Variants in DOK6 observed in about 807,000 individuals in gnomAD.
DOK6 encodes the protein docking protein 6, also known as downstream of tyrosine kinase 6.
A neutral mutation model predicts 44.0 loss-of-function variants in DOK6; 22 were observed. That is an observed-to-expected ratio of 0.50 (90% CI 0.36 to 0.71). DOK6 has a LOEUF of 0.71. Among genes scored for constraint, DOK6 ranks in the 30% least tolerant of loss-of-function variants. The pLI is 0.00. For synonymous variants in DOK6, 166 were observed against 145.5 expected, an observed-to-expected ratio of 1.14 and a Z score of -1.01; for missense variants, 340 against 416.4, an observed-to-expected ratio of 0.82 and a Z score of 1.60.
intron 5 of DOK6, among the ~76,000 whole-genome samples, chr18:69,703,106 T>C (rs7240723): frequency 0.67 from 101,210 of 151,720 alleles, 34,183 homozygotes; most frequent in East Asian, 0.89. Context: ...CCAGATTAGA[T>C]ACACAGAAGG....
intron 7 of DOK6, among the ~76,000 whole-genome samples, chr18:69,810,200 T>C (rs1457930186): frequency 6.6e-6 from 1 of 151,966 alleles, no homozygotes; most frequent in East Asian, 1.9e-4. Context: ...CAATTGATTT[T>C]TGACAAAAGT....
intron 7 of DOK6, among the ~76,000 whole-genome samples, chr18:69,802,407 T>A (rs1980929540): frequency 6.6e-6 from 1 of 152,162 alleles, no homozygotes; most frequent in African/African-American, 2.4e-5. Context: ...CATCAGTACT[T>A]GTTACAGAAA....
At chr18:69,824,456 GCGCTCAAGCAA>G (rs1981682798) in intron 7 of DOK6, among the ~76,000 whole-genome samples, 1 of 83,306 alleles carries the variant, frequency 1.2e-5, no homozygotes, top group Non-Finnish European at 2.8e-5. Flanking sequence ...CAATCCTCCT[GCGCTCAAGCAA>G]TCCTCCTGCC....
At position 69,564,520 on chromosome 18, in the gene DOK6, G is replaced by T; in HGVS notation, c.100G>T (p.Ala34Ser). 4 of 1,613,924 alleles carry T rather than the reference G, an allele frequency of 2.5e-6. No homozygotes were observed. Among genetic ancestry groups the T allele is most frequent in the Non-Finnish European group, 3.4e-6 (4 of 1,179,906 alleles). Reference protein sequence around the residue: ...FRRCWLVFKKASSKGPRRLEK... With the variant: ...FRRCWLVFKKSSSKGPRRLEK... The stretch of plus-strand genomic sequence containing the variant: ...ACGATGCTGGTTGGTTTTCAAGAAG[G>T]CTTCTAGCAAAGGACCCAGAAGGTT... Residue 34 changes from alanine (A) to serine (S), a missense_variant, in exon 2 of 8, where the codon GCT becomes TCT. Ala to Ser is a moderately conservative substitution (Grantham distance 99). Transcript: ENST00000382713.
chr18:69,589,671 A>G (rs529883362), intron 2 of DOK6, among the ~76,000 whole-genome samples: 8 of 152,272 alleles, frequency 5.3e-5, no homozygotes, highest in Non-Finnish European at 8.8e-5. Context: ...GTAGTGAGTA[A>G]GATCTGCATT....
At chr18:69,772,189 A>G (rs1231806311) in intron 7 of DOK6, among the ~76,000 whole-genome samples, 1 of 151,914 alleles carries the variant, frequency 6.6e-6, no homozygotes, top group Non-Finnish European at 1.5e-5. Flanking sequence ...AATAAATAAA[A>G]CAAATATTGA....
At chr18:69,494,797 T>G (rs1391668653) in intron 1 of DOK6, among the ~76,000 whole-genome samples, 1 of 152,240 alleles carries the variant, frequency 6.6e-6, no homozygotes, top group African/African-American at 2.4e-5. Context: ...GATGCATTTA[T>G]TTTTTAATCA....
At chr18:69,634,720 A>T (rs901490093) in intron 3 of DOK6, among the ~76,000 whole-genome samples, 1 of 152,190 alleles carries the variant, frequency 6.6e-6, no homozygotes, top group African/African-American at 2.4e-5. Flanking sequence ...AACTTTCTAG[A>T]TGGGGAGACA....
rs931106971 is a variant in DOK6, at chr18:69,416,967, A to G, written c.66+15657A>G. 2.6e-5 allele frequency among the ~76,000 whole-genome samples: 4 copies of G among 152,260 alleles called. 1 individual carries two copies. Among genetic ancestry groups the G allele is most frequent in the Non-Finnish European group, 1.5e-5 (1 of 68,010 alleles). Reference sequence around the variant, plus strand: ...GTTTATGGATACATAATAGTTGTCCATATTTATGGAATACATGTAATATTT... The same window carrying G: ...GTTTATGGATACATAATAGTTGTCCGTATTTATGGAATACATGTAATATTT... On this transcript the variant is annotated intron_variant, in intron 1 of 7. Coordinates refer to ENST00000382713, the MANE Select transcript of DOK6 (RefSeq NM_152721.6).
intron 7 of DOK6, among the ~76,000 whole-genome samples, chr18:69,769,369 C>G (rs1979820643): frequency 6.6e-6 from 1 of 152,038 alleles, no homozygotes; most frequent in African/African-American, 2.4e-5. Flanking sequence ...TAGCCATTGT[C>G]TGTGGCTCTA....
intron 7 of DOK6, among the ~76,000 whole-genome samples, chr18:69,786,795 T>C (rs146780422): frequency 4.5e-4 from 69 of 152,370 alleles, no homozygotes; most frequent in African/African-American, 1.4e-3. Context: ...CATTTTGTTA[T>C]ATAAAATTCA....
intron 3 of DOK6, among the ~76,000 whole-genome samples, chr18:69,602,789 T>C (rs1599215899): frequency 6.6e-6 from 1 of 152,138 alleles, no homozygotes; most frequent in African/African-American, 2.4e-5. Flanking sequence ...TACAGTAGAC[T>C]CAAGTATAAT....
intron 7 of DOK6, among the ~76,000 whole-genome samples, chr18:69,802,414 G>A (rs1006328050): frequency 2.6e-5 from 4 of 152,112 alleles, no homozygotes; most frequent in African/African-American, 9.7e-5. Context: ...ACTTGTTACA[G>A]AAATAAATCT....
chr18:69,479,429 G>A (rs927706172), intron 1 of DOK6, among the ~76,000 whole-genome samples: 7 of 152,052 alleles, frequency 4.6e-5, no homozygotes, highest in African/African-American at 1.7e-4. Context: ...AAGGGATGTC[G>A]AGCCAGTTAA....
At chr18:69,499,829 G>A (rs1320760690) in intron 1 of DOK6, among the ~76,000 whole-genome samples, 1 of 151,994 alleles carries the variant, frequency 6.6e-6, no homozygotes, top group South Asian at 2.1e-4. Flanking sequence ...TATTCTTCTA[G>A]GTTTTCTTGA....
intron 1 of DOK6, among the ~76,000 whole-genome samples, chr18:69,526,531 T>C (rs897120731): frequency 2.6e-5 from 4 of 152,230 alleles, no homozygotes; most frequent in African/African-American, 9.6e-5. Context: ...TTGACTAGAA[T>C]GAATGATGCC....
At position 69,592,064 on chromosome 18, in the gene DOK6, T is replaced by G. The variant is rs564269086; in HGVS notation, c.175-7320T>G. On this transcript the variant is annotated intron_variant, in intron 2 of 7. Coordinates refer to ENST00000382713, the MANE Select transcript of DOK6 (RefSeq NM_152721.6). Reference sequence around the variant, plus strand: ...TTTGGGAATTATTTTCATTTTAAAATGCTGTTTGTGTTGGTATTAATTCAT... The same window carrying G: ...TTTGGGAATTATTTTCATTTTAAAAGGCTGTTTGTGTTGGTATTAATTCAT... Among the ~76,000 whole-genome samples, 30 of 152,160 alleles carry G rather than the reference T, an allele frequency of 2.0e-4. 1 individual carries two copies. The South Asian group carries it at 6.0e-3, about 30-fold the overall frequency.
chr18:69,460,092 T>C (rs4401138), intron 1 of DOK6, among the ~76,000 whole-genome samples: 120,496 of 151,680 alleles, frequency 0.79, 48,117 homozygotes, highest in East Asian at 1. Flanking sequence ...ATTTCATTGT[T>C]AGTTTTTAAG....
At chr18:69,760,501 C>T (rs973969964) in intron 7 of DOK6, among the ~76,000 whole-genome samples, 1 of 151,854 alleles carries the variant, frequency 6.6e-6, no homozygotes, top group Non-Finnish European at 1.5e-5. Context: ...GCAAAGCAGG[C>T]GCCTTGAGAA....
Sources: allele counts gnomAD v4.1 joint callset (sites outside exome capture counted in the v4.1 genomes callset), GRCh38; gene constraint gnomAD v4.1.1; transcripts MANE v1.5; gene names NCBI Gene and HGNC (gene_info 2026-07-23, HGNC 2026-07-21).